IQSEC1: variants seen among roughly 807,000 people sequenced by gnomAD.
IQSEC1 encodes the protein IQ motif and SEC7 domain-containing protein 1.
Under a neutral mutation model 91.0 loss-of-function variants are expected in IQSEC1, and 31 were observed. The ratio of observed to expected loss-of-function variants is 0.34; its 90% CI spans 0.26 to 0.46. IQSEC1 has a LOEUF of 0.46. IQSEC1 is among the 20% of genes least tolerant of loss of function. The pLI is 1.00. For missense variants in IQSEC1, 1,388 were observed against 1,575.6 expected (o/e 0.88, Z 2.02); for synonymous variants, 699 against 662.6 (o/e 1.05, Z -0.84).
At chr3:13,240,608 G>A (rs1245933573) in intron 1 of IQSEC1, among the ~76,000 whole-genome samples, 3 of 152,168 alleles carry the variant, frequency 2.0e-5, no homozygotes, top group Non-Finnish European at 4.4e-5. Context: ...AAGCTAAAAT[G>A]CATGCCCCTC....
At chr3:13,050,576 A>C (rs1437936945) in intron 1 of IQSEC1, among the ~76,000 whole-genome samples, 1 of 152,250 alleles carries the variant, frequency 6.6e-6, no homozygotes, top group African/African-American at 2.4e-5. Context: ...CTTAAAGGTT[A>C]ACACATGAGT....
Position 12,899,773 on chromosome 3 carries a change from T to A in IQSEC1, c.*1210A>T, listed in dbSNP as rs904898413. 6.1e-6 allele frequency: 6 copies of A among 984,806 alleles called. No individual in the cohort carries two copies. The African/African-American group carries it at 8.8e-5, about 14-fold the overall frequency. The allele number at this position is 984,806 out of a possible 1,614,324, so 61.0% of individuals were successfully genotyped here. On this transcript the variant is annotated 3_prime_UTR_variant, in exon 14 of 14. Transcript: ENST00000613206. ...TAAAGTCAACCTTCAGGTTCGAGAG[T>A]GGTTCCTGATGAAAACACTCTCTGA...
chr3:13,199,709 C>A, intron 1 of IQSEC1, among the ~76,000 whole-genome samples: 1 of 152,144 alleles, frequency 6.6e-6, no homozygotes, highest in East Asian at 1.9e-4. Context: ...AACCTGCTCG[C>A]CCACGAGGAC....
chr3:12,969,650 A>G (rs1338827309), intron 1 of IQSEC1, among the ~76,000 whole-genome samples: 1 of 152,186 alleles, frequency 6.6e-6, no homozygotes, highest in Non-Finnish European at 1.5e-5. Context: ...TAATTCCCCC[A>G]GCCCAGCTGC....
intron 1 of IQSEC1, among the ~76,000 whole-genome samples, chr3:13,013,292 C>A: frequency 6.6e-6 from 1 of 152,304 alleles, no homozygotes; most frequent in African/African-American, 2.4e-5. Context: ...TGCTCCCACA[C>A]GCTGAGTACA....
In IQSEC1 at chr3:12,922,072, G is replaced by A; in HGVS notation, c.1853+48C>T. On this transcript the variant is annotated intron_variant, in intron 5 of 13. Transcript: ENST00000613206. The surrounding 1 kb of genome is among the most constrained non-coding windows in gnomAD (Gnocchi z 5.1). The stretch of plus-strand genomic sequence containing the variant: ...CCATCCTCGGGCCCTGAAGCTGGGG[G>A]ACACCATTCTTCCCTGATGCAGCAG... The A allele has an allele frequency of 1.3e-6, 2 of 1,523,662 alleles. No individual in the cohort carries two copies. Among genetic ancestry groups the A allele is most frequent in the Non-Finnish European group, 1.8e-6 (2 of 1,127,556 alleles). 94.4% of individuals were successfully genotyped at this position (1,523,662 alleles called of 1,614,324 possible). A position where few individuals can be genotyped will look rare whatever the true frequency, so the allele number is the denominator to read the frequency against.
intron 1 of IQSEC1, among the ~76,000 whole-genome samples, chr3:13,175,821 A>T (rs930559825): frequency 3.9e-5 from 6 of 152,186 alleles, no homozygotes; most frequent in African/African-American, 1.4e-4. Flanking sequence ...GGCTCTCCAA[A>T]CAGGAGGCTG....
chr3:13,002,871 C>T (rs966156900), intron 1 of IQSEC1, among the ~76,000 whole-genome samples: 23 of 88,798 alleles, frequency 2.6e-4, no homozygotes, highest in African/African-American at 1.1e-3. Context: ...CCCTCACACA[C>T]CACTGGTGGG....
At chr3:12,934,871 C>G (rs1698025095) in intron 3 of IQSEC1, among the ~76,000 whole-genome samples, 1 of 152,096 alleles carries the variant, frequency 6.6e-6, no homozygotes, top group South Asian at 2.1e-4. Context: ...AGACACAGCC[C>G]TGGGTCTGGC....
At chr3:13,038,920 A>T (rs1167295892) in intron 1 of IQSEC1, among the ~76,000 whole-genome samples, 2 of 151,540 alleles carry the variant, frequency 1.3e-5, no homozygotes, top group Non-Finnish European at 2.9e-5. Flanking sequence ...AAAAATGTGC[A>T]TGGGAAATCT....
intron 1 of IQSEC1, among the ~76,000 whole-genome samples, chr3:12,972,716 C>G (rs1277192894): frequency 6.6e-6 from 1 of 152,230 alleles, no homozygotes; most frequent in African/African-American, 2.4e-5. Flanking sequence ...TGCCCCAGAA[C>G]TATAAACACT....
At chr3:13,182,938 G>A (rs1479103481) in intron 1 of IQSEC1, among the ~76,000 whole-genome samples, 3 of 152,136 alleles carry the variant, frequency 2.0e-5, no homozygotes, top group African/African-American at 7.2e-5. Context: ...GCCAAGGCAG[G>A]TGGATCACGA....
Position 12,935,914 on chromosome 3 carries a change from T to C in IQSEC1, c.1102A>G (p.Ile368Val), listed in dbSNP as rs1418572318. Residue 368 changes from isoleucine (I) to valine (V), a missense_variant, in exon 3 of 14, where the codon ATC becomes GTC. This residue lies in a region of IQSEC1 where 1,059 missense variants were observed against 1,317.8 expected (regional missense o/e 0.80). Transcript: ENST00000613206. This position sits in a 1 kb window ranked among gnomAD's most constrained non-coding sequence, Gnocchi z 8.0. ...ACAGAGCTGTCGCTGGGTGGCTCGA[T>C]GGTGAGCAGCGGCAGATGCTCCACC... ...LRVEHLPLLT[I>V]EPPSDSSVDL... The C allele has an allele frequency of 1.2e-6, 2 of 1,601,284 alleles. No individual in the cohort carries two copies. Among genetic ancestry groups the C allele is most frequent in the Non-Finnish European group, 1.7e-6 (2 of 1,179,484 alleles).
Position 13,097,743 on chromosome 3 carries a change from A to AT in IQSEC1, c.303-50222dup, listed in dbSNP as rs113924128. ...GAATGAGGAGGATGCAGGGCTGAAC[A>AT]TTTTTTTTTTCCTGGAATCGCTTCT... On this transcript the variant is annotated intron_variant, in intron 2 of 15. Transcript: ENST00000648114. Among the ~76,000 whole-genome samples the AT allele has an allele frequency of 5.2e-3, 779 of 150,704 alleles. 8 individuals are homozygous for AT. Among genetic ancestry groups the AT allele is most frequent in the Admixed American group, 0.019 (286 of 15,180 alleles).
intron 1 of IQSEC1, among the ~76,000 whole-genome samples, chr3:13,277,812 C>A (rs1695719045): frequency 6.6e-6 from 1 of 152,222 alleles, no homozygotes; most frequent in Non-Finnish European, 1.5e-5. Flanking sequence ...CACTCAGTCT[C>A]TCTACAGCCC....
chr3:12,900,218 C>CTTGGCACAGTTAGTAAT lies in IQSEC1; in HGVS notation c.*748_*764dup, dbSNP rs1694094061. 1.1e-5 allele frequency: 11 copies of CTTGGCACAGTTAGTAAT among 983,058 alleles called. No individual in the cohort carries two copies. Among genetic ancestry groups the CTTGGCACAGTTAGTAAT allele is most frequent in the Non-Finnish European group, 1.3e-5 (11 of 827,820 alleles). 60.9% of individuals were successfully genotyped at this position (983,058 alleles called of 1,614,324 possible). A position where few individuals can be genotyped will look rare whatever the true frequency, so the allele number is the denominator to read the frequency against. On this transcript the variant is annotated 3_prime_UTR_variant, in exon 14 of 14. Coordinates refer to ENST00000613206, the MANE Select transcript of IQSEC1 (RefSeq NM_001134382.3). ...TTTTAAACAGTTAGATGCTATGTTA[C>CTTGGCACAGTTAGTAAT]TTGGCACAGTTAGTAATGATTGTGT...
intron 2 of IQSEC1, among the ~76,000 whole-genome samples, chr3:13,104,702 C>T (rs1478896306): frequency 6.6e-6 from 1 of 152,244 alleles, no homozygotes; most frequent in Non-Finnish European, 1.5e-5. Flanking sequence ...GTGCAGGGCC[C>T]ATCATGGCCC....
intron 1 of IQSEC1, among the ~76,000 whole-genome samples, chr3:13,072,238 C>G (rs554648800): frequency 6.6e-6 from 1 of 152,336 alleles, no homozygotes; most frequent in Admixed American, 6.5e-5. Flanking sequence ...CCCCCGCAGC[C>G]GAGGGTCCCA....
intron 2 of IQSEC1, among the ~76,000 whole-genome samples, chr3:13,146,268 T>TG (rs1419599935): frequency 3.9e-5 from 6 of 152,150 alleles, no homozygotes; most frequent in Non-Finnish European, 7.3e-5. Flanking sequence ...ATTACAGGTG[T>TG]GAGCCACCGC....
Sources: allele counts gnomAD v4.1 joint callset (sites outside exome capture counted in the v4.1 genomes callset), GRCh38; gene constraint gnomAD v4.1.1; regional missense constraint gnomAD v4.1.1; non-coding constraint Gnocchi (gnomAD v3.1); transcripts MANE v1.5; gene names NCBI Gene and HGNC (gene_info 2026-07-23, HGNC 2026-07-21).